The following LRP1B variants were observed in gnomAD, a reference collection of about 807,000 sequenced individuals.
The protein encoded by LRP1B is low-density lipoprotein receptor-related protein 1B.
In LRP1B, 217 loss-of-function variants were observed where a neutral mutation model predicts 556.6. The observed-to-expected ratio is 0.39, with a 90% CI of 0.35 to 0.44. LRP1B has a LOEUF of 0.44. Among genes scored for constraint, LRP1B ranks in the 20% least tolerant of loss-of-function variants. The pLI, the probability that LRP1B is intolerant of heterozygous loss-of-function variation, is 1.00. For missense variants in LRP1B, 5,053 were observed against 5,620.8 expected, an observed-to-expected ratio of 0.90 and a Z score of 3.23; for synonymous variants, 2,047 against 1,865.8, an observed-to-expected ratio of 1.10 and a Z score of -2.50.
intron 31 of LRP1B, among the ~76,000 whole-genome samples, chr2:140,839,066 T>C (rs541219654): frequency 2.0e-5 from 3 of 152,182 alleles, no homozygotes; most frequent in African/African-American, 7.2e-5. Context: ...AAATACTAAA[T>C]ACCAAAACCC....
chr2:141,327,875 T>TGAGA (rs757095809), intron 3 of LRP1B, among the ~76,000 whole-genome samples: 36 of 90,684 alleles, frequency 4.0e-4, no homozygotes, highest in East Asian at 8.9e-4. Context: ...AGATAAAGAG[T>TGAGA]GAGAGAGAGA....
intron 7 of LRP1B, among the ~76,000 whole-genome samples, chr2:141,107,385 T>C (rs1399124054): frequency 1.3e-5 from 2 of 152,180 alleles, no homozygotes; most frequent in African/African-American, 2.4e-5. Context: ...CGGTAGCTCA[T>C]GCCTGTAATC....
intron 11 of LRP1B, among the ~76,000 whole-genome samples, chr2:141,042,637 A>G (rs75219067): frequency 0.02 from 3,009 of 152,158 alleles, 128 homozygotes; most frequent in East Asian, 0.19. Context: ...TCAATTTCCA[A>G]TCTATAAAAT....
chr2:140,611,296 T>C (rs1304275185), intron 41 of LRP1B, among the ~76,000 whole-genome samples: 2 of 152,200 alleles, frequency 1.3e-5, no homozygotes, highest in African/African-American at 4.8e-5. Context: ...TACACTGTCT[T>C]TAAATTTTAG....
At chr2:141,946,764 G>A (rs1301107576) in intron 1 of LRP1B, among the ~76,000 whole-genome samples, 1 of 152,036 alleles carries the variant, frequency 6.6e-6, no homozygotes, top group Non-Finnish European at 1.5e-5. Flanking sequence ...TCATAATATT[G>A]CATTTATTTT....
intron 1 of LRP1B, among the ~76,000 whole-genome samples, chr2:142,098,902 A>C (rs1020679310): frequency 8.6e-5 from 13 of 151,810 alleles, no homozygotes; most frequent in African/African-American, 3.1e-4. Flanking sequence ...CAATTTCAAA[A>C]TTAGATAATT....
chr2:140,320,557 C>G (rs1680056636), intron 82 of LRP1B, among the ~76,000 whole-genome samples: 1 of 151,998 alleles, frequency 6.6e-6, no homozygotes, highest in South Asian at 2.1e-4. Flanking sequence ...AAAATGTTTG[C>G]TGTGATCCTC....
In LRP1B at chr2:142,115,673, A is replaced by AT. The variant is rs1707215381; in HGVS notation, c.82+14974_82+14975insA. 3.5e-3 allele frequency among the ~76,000 whole-genome samples: 12 copies of AT among 3,398 alleles called. 5 individuals are homozygous for AT. The highest frequency in any genetic ancestry group is 0.021 in the Admixed American group (2 of 96). 2.2% of individuals were successfully genotyped at this position (3,398 alleles called of 152,430 possible). On this transcript the variant is annotated intron_variant, in intron 1 of 90. Coordinates refer to ENST00000389484, the MANE Select transcript of LRP1B (RefSeq NM_018557.3). Reference sequence around the variant, plus strand: ...TATATTATATGTAATATATATATGTAATATATATATAATATATATGTAATA... The same window carrying AT: ...TATATTATATGTAATATATATATGTATATATATATATAATATATATGTAATA...
chr2:140,980,173 T>C (rs1018058037), intron 18 of LRP1B, among the ~76,000 whole-genome samples: 2 of 152,144 alleles, frequency 1.3e-5, no homozygotes, highest in Admixed American at 1.3e-4. Flanking sequence ...ATACTTTATT[T>C]TCCTAATTGT....
At chr2:140,598,877 T>C (rs1393692856) in intron 42 of LRP1B, 42 bp from the exon 43 acceptor site, 1 of 1,344,662 alleles carries the variant, frequency 7.4e-7, no homozygotes, top group East Asian at 2.4e-5. Context: ...AAACTTCTCA[T>C]CAAGAGTAAA....
intron 2 of LRP1B, among the ~76,000 whole-genome samples, chr2:141,522,779 G>A (rs963549241): frequency 1.3e-5 from 2 of 152,284 alleles, no homozygotes; most frequent in South Asian, 2.1e-4. Context: ...AAAGGTCCAC[G>A]TTTGGCAGGT....
intron 89 of LRP1B, among the ~76,000 whole-genome samples, chr2:140,237,713 T>C (rs1004097288): frequency 6.6e-6 from 1 of 150,738 alleles, no homozygotes; most frequent in Non-Finnish European, 1.5e-5. Flanking sequence ...CTTGCATATA[T>C]TTCAACATTG....
At chr2:141,348,597 CTTG>C (rs1284464847) in intron 3 of LRP1B, among the ~76,000 whole-genome samples, 2 of 151,936 alleles carry the variant, frequency 1.3e-5, no homozygotes, top group Non-Finnish European at 2.9e-5. Context: ...ATTTCCCTAT[CTTG>C]TTTATGTAGT....
rs72983810 is a variant in LRP1B at position 141,694,809 on chromosome 2, T to C, written c.205+115470A>G. Among the ~76,000 whole-genome samples the C allele has an allele frequency of 3.0e-3, 454 of 152,222 alleles. 2 individuals carry two copies. Among genetic ancestry groups the C allele is most frequent in the African/African-American group, 0.01 (430 of 41,582 alleles). ...GAAAGGCATCTTGTTGCTTATTTTCTAGACCTCTTATTCCAGCAGATGATT... is the reference window on the plus strand; with the variant it reads ...GAAAGGCATCTTGTTGCTTATTTTCCAGACCTCTTATTCCAGCAGATGATT... On this transcript the variant is annotated intron_variant, in intron 2 of 90. Coordinates refer to ENST00000389484, the MANE Select transcript of LRP1B (RefSeq NM_018557.3).
At chr2:142,100,386 A>G (rs1192719321) in intron 1 of LRP1B, among the ~76,000 whole-genome samples, 3 of 151,972 alleles carry the variant, frequency 2.0e-5, no homozygotes, top group South Asian at 4.1e-4. Flanking sequence ...CAACACCAAC[A>G]TCCAGAGTCA....
At chr2:140,613,438 C>G (rs1683151811) in intron 41 of LRP1B, among the ~76,000 whole-genome samples, 1 of 143,120 alleles carries the variant, frequency 7.0e-6, no homozygotes, top group African/African-American at 2.6e-5. Flanking sequence ...TAATTATATA[C>G]ATATAAATAT....
intron 1 of LRP1B, among the ~76,000 whole-genome samples, chr2:141,920,753 G>C (rs1700164069): frequency 6.6e-6 from 1 of 151,948 alleles, no homozygotes; most frequent in African/African-American, 2.4e-5. Context: ...ATGAATGCCA[G>C]GAAATGAACA....
chr2:141,575,139 C>A (rs1457978612), intron 2 of LRP1B, among the ~76,000 whole-genome samples: 1 of 151,750 alleles, frequency 6.6e-6, no homozygotes, highest in Non-Finnish European at 1.5e-5. Context: ...TCAAAGAAGA[C>A]CCTGTATAGC....
chr2:141,460,189 CAATTT>C (rs1423975455), intron 3 of LRP1B, among the ~76,000 whole-genome samples: 1 of 152,042 alleles, frequency 6.6e-6, no homozygotes, highest in Non-Finnish European at 1.5e-5. Flanking sequence ...AAAAATTTAC[CAATTT>C]AATTATCATC....
Sources: allele counts gnomAD v4.1 joint callset (sites outside exome capture counted in the v4.1 genomes callset), GRCh38; gene constraint gnomAD v4.1.1; transcripts MANE v1.5; gene names NCBI Gene and HGNC (gene_info 2026-07-23, HGNC 2026-07-21).